Variants in ANKAR observed in about 807,000 individuals in gnomAD.
The protein encoded by ANKAR is ankyrin and armadillo repeat containing, also known as ankyrin and armadillo repeat-containing protein.
ANKAR carries 136 observed loss-of-function variants against 146.2 expected under a neutral mutation model. That is an observed-to-expected ratio of 0.93 (90% CI 0.81 to 1.07). The LOEUF is 1.07. ANKAR is among the 50% of genes least tolerant of loss of function. The pLI is 0.00. For missense variants in ANKAR, 1,567 were observed against 1,679.9 expected (o/e 0.93, Z 1.18); for synonymous variants, 500 against 575.8 (o/e 0.87, Z 1.88).
At chr2:189,686,652 C>T (rs938158736) in intron 2 of ANKAR, among the ~76,000 whole-genome samples, 1 of 152,062 alleles carries the variant, frequency 6.6e-6, no homozygotes, top group Non-Finnish European at 1.5e-5. Flanking sequence ...AAAGAAAAAT[C>T]ACGTTTTCTT....
At chr2:189,710,999 T>A (rs1225658353) in intron 9 of ANKAR, 50 bp from the exon 10 acceptor site, 1 of 1,494,106 alleles carries the variant, frequency 6.7e-7, no homozygotes, top group Non-Finnish European at 9.3e-7. Flanking sequence ...AAGCATTTCA[T>A]TGCCTTTTGT....
At position 189,754,840 on chromosome 2, in the gene ANKAR, A is replaced by G. The variant is rs140599358; in HGVS notation, c.*585-6258A>G. The G allele has an allele frequency of 3.3e-3, 1,019 of 305,526 alleles. 18 individuals are homozygous for G. Among genetic ancestry groups the G allele is most frequent in the African/African-American group, 0.021 (929 of 44,066 alleles). The allele number at this position is 305,526 out of a possible 1,614,324, so 18.9% of individuals were successfully genotyped here. Reference sequence around the variant, plus strand: ...ATCTTTAATGTCCTTATGTTAATCTATATATATTCTCTTATTTTACCTTTT... The same window carrying G: ...ATCTTTAATGTCCTTATGTTAATCTGTATATATTCTCTTATTTTACCTTTT... On this transcript the variant is annotated intron_variant and NMD_transcript_variant, in intron 18 of 18. Transcript: ENST00000441800.
At chr2:189,754,734 G>A in intron 18 of ANKAR, 1 of 211,564 alleles carries the variant, frequency 4.7e-6, no homozygotes, top group Non-Finnish European at 8.5e-6. Flanking sequence ...AGTAGCCTCT[G>A]TAGTATTCTA....
At chr2:189,717,128 G>A (rs965424084) in intron 10 of ANKAR, among the ~76,000 whole-genome samples, 1 of 152,090 alleles carries the variant, frequency 6.6e-6, no homozygotes, top group Non-Finnish European at 1.5e-5. Context: ...CACAGCAAAA[G>A]AAACTACCAT....
chr2:189,761,644 T>A, downstream of ANKAR: 1 of 1,572,272 alleles, frequency 6.4e-7, no homozygotes, highest in Non-Finnish European at 8.6e-7. Context: ...TTAGCATACT[T>A]ACTCTATAGA....
At chr2:189,744,943 A>T (rs2105910147) in intron 22 of ANKAR, among the ~76,000 whole-genome samples, 155 bp downstream of exon 22, 1 of 149,044 alleles carries the variant, frequency 6.7e-6, no homozygotes, top group Non-Finnish European at 1.5e-5. Context: ...AGATCACTTG[A>T]GGTCAGGAGT....
chr2:189,725,527 A>C (rs1156698776), intron 12 of ANKAR, among the ~76,000 whole-genome samples: 1 of 152,162 alleles, frequency 6.6e-6, no homozygotes, highest in African/African-American at 2.4e-5. Flanking sequence ...TTTACTATCT[A>C]TATCTATAGG....
In ANKAR at chr2:189,719,557, C is replaced by T. The variant is rs1337947696; in HGVS notation, c.2225-15C>T. 3.9e-6 allele frequency: 6 copies of T among 1,554,282 alleles called. No individual in the cohort carries two copies. Among genetic ancestry groups the T allele is most frequent in the Admixed American group, 3.5e-5 (2 of 57,062 alleles). On this transcript the variant is annotated splice_polypyrimidine_tract_variant and intron_variant, in intron 10 of 22. Coordinates refer to ENST00000684021, the MANE Select transcript of ANKAR (RefSeq NM_001378068.1). ...TAATTCATGCTTTTTAATTTTTTTGCTCTTGTCATTACAGGCACCATTCCT... is the reference window on the plus strand; with the variant it reads ...TAATTCATGCTTTTTAATTTTTTTGTTCTTGTCATTACAGGCACCATTCCT...
chr2:189,730,253 C>T (rs1246532715), intron 15 of ANKAR, among the ~76,000 whole-genome samples: 1 of 152,098 alleles, frequency 6.6e-6, no homozygotes, highest in Non-Finnish European at 1.5e-5. Flanking sequence ...TTCTAATTTC[C>T]TTTGCTTTGT....
chr2:189,734,551 C>G (rs1282132475), intron 17 of ANKAR, among the ~76,000 whole-genome samples: 1 of 152,122 alleles, frequency 6.6e-6, no homozygotes, highest in African/African-American at 2.4e-5. Context: ...ATTTCACAAC[C>G]AGGAAGAAAA....
downstream of ANKAR, among the ~76,000 whole-genome samples, chr2:189,751,141 GCTGT>G (rs368394713): frequency 9.2e-5 from 14 of 152,090 alleles, no homozygotes; most frequent in African/African-American, 2.9e-4. Context: ...CTTAGTTCCT[GCTGT>G]CTTTTTCTGT....
chr2:189,715,891 C>T (rs1486940654), intron 10 of ANKAR, among the ~76,000 whole-genome samples: 1 of 152,174 alleles, frequency 6.6e-6, no homozygotes, highest in Non-Finnish European at 1.5e-5. Context: ...TTCAACAGCC[C>T]TTCATGCTAA....
rs2043071742 is a variant in ANKAR at position 189,738,750 on chromosome 2, GAAT to G, written c.3700+77_3700+79del. On this transcript the variant is annotated intron_variant, in intron 19 of 22. Coordinates refer to ENST00000684021, the MANE Select transcript of ANKAR (RefSeq NM_001378068.1). ...TTTCAAAAACAGTTTATTGTAATCT[GAAT>G]AATAATAAAATAATACGCCTGATAC... 10 of 965,068 alleles carry G rather than the reference GAAT, an allele frequency of 1.0e-5. No homozygotes were observed. The East Asian group carries it at 2.0e-4, about 19-fold the overall frequency. 59.8% of individuals were successfully genotyped at this position (965,068 alleles called of 1,614,324 possible).
At chr2:189,714,725 T>C (rs1413430355) in intron 10 of ANKAR, among the ~76,000 whole-genome samples, 1 of 151,814 alleles carries the variant, frequency 6.6e-6, no homozygotes, top group African/African-American at 2.4e-5. Flanking sequence ...GGCGGGCGGA[T>C]CACGAGGTCA....
intron 10 of ANKAR, among the ~76,000 whole-genome samples, chr2:189,717,760 A>C (rs2040681936): frequency 6.6e-6 from 1 of 152,184 alleles, no homozygotes. Flanking sequence ...TGCAGCCATA[A>C]AAAAGGATGA....
At position 189,739,439 on chromosome 2, in the gene ANKAR, A is replaced by G. The variant is rs1307456889; in HGVS notation, c.3700+757A>G. On this transcript the variant is annotated intron_variant, in intron 19 of 22. Transcript: ENST00000684021. ...AAAATGAAGCAATGAAAACTTTCTG[A>G]TGGAAACTAGCTAGAAAAAAAGTTT... 6.7e-4 allele frequency among the ~76,000 whole-genome samples: 102 copies of G among 152,222 alleles called. 1 individual carries two copies. The highest frequency in any genetic ancestry group is 2.6e-4 in the Non-Finnish European group (18 of 68,034).
chr2:189,734,301 T>C (rs2042650277), intron 17 of ANKAR, among the ~76,000 whole-genome samples: 2 of 152,258 alleles, frequency 1.3e-5, no homozygotes, highest in Admixed American at 6.5e-5. Context: ...TCACCAATCT[T>C]AGCATCCATT....
chr2:189,713,298 C>A lies in ANKAR; in HGVS notation c.2224+2145C>A, dbSNP rs926534522. ...CAAAGATACTCCTCGAGAAGAGCAA[C>A]CCCAAGACACATAATTGTCAGATTC... On this transcript the variant is annotated intron_variant, in intron 10 of 22. Transcript: ENST00000684021. 6.6e-5 allele frequency among the ~76,000 whole-genome samples: 10 copies of A among 152,176 alleles called. No individual in the cohort carries two copies. The South Asian group carries it at 1.9e-3, about 28-fold the overall frequency.
chr2:189,738,114 T>C (rs1040236013), intron 18 of ANKAR, among the ~76,000 whole-genome samples: 2 of 152,166 alleles, frequency 1.3e-5, no homozygotes, highest in African/African-American at 4.8e-5. Context: ...CAGGTAGTAT[T>C]ATTTTCATCA....
Sources: allele counts gnomAD v4.1 joint callset (sites outside exome capture counted in the v4.1 genomes callset), GRCh38; gene constraint gnomAD v4.1.1; transcripts MANE v1.5; gene names NCBI Gene and HGNC (gene_info 2026-07-23, HGNC 2026-07-21).